The following MARCHF10 variants were observed in gnomAD, a reference collection of about 807,000 sequenced individuals.
The protein encoded by MARCHF10 is probable E3 ubiquitin-protein ligase MARCHF10.
Under a neutral mutation model 76.2 loss-of-function variants are expected in MARCHF10, and 64 were observed. The ratio of observed to expected loss-of-function variants is 0.84; its 90% CI spans 0.69 to 1.03. MARCHF10 has a LOEUF of 1.03. Ranked by LOEUF, MARCHF10 falls within the 50% of genes least tolerant of loss-of-function variation. The pLI is 0.00. For synonymous variants in MARCHF10, 340 were observed against 357.5 expected, an observed-to-expected ratio of 0.95 and a Z score of 0.55; for missense variants, 875 against 958.0, an observed-to-expected ratio of 0.91 and a Z score of 1.14.
chr17:62,797,601 G>C, intron 2 of MARCHF10, among the ~76,000 whole-genome samples: 1 of 152,182 alleles, frequency 6.6e-6, no homozygotes, highest in Non-Finnish European at 1.5e-5. Flanking sequence ...TTTGCCCAGG[G>C]GAGCAAGGTG....
At position 62,725,066 on chromosome 17, in the gene MARCHF10, C is replaced by A; in HGVS notation, c.1976G>T (p.Cys659Phe). 6.2e-7 allele frequency: 1 copy of A among 1,604,608 alleles called. No individual in the cohort carries two copies. The highest frequency in any genetic ancestry group is 8.5e-7 in the Non-Finnish European group (1 of 1,176,782). Residue 659 changes from cysteine to phenylalanine, a missense_variant, in exon 7 of 11, where the codon TGT becomes TTT. Transcript: ENST00000311269. ...ACCCCCGGCTATCTGACAGATGCGACACAAGTCTCCCTCCTCCTCGGAGTC... is the reference window on the plus strand; with the variant it reads ...ACCCCCGGCTATCTGACAGATGCGAAACAAGTCTCCCTCCTCCTCGGAGTC... ...EEDSEEEGDL[C>F]RICQIAGGSP...
At chr17:62,798,013 G>C (rs1006226561) in intron 2 of MARCHF10, among the ~76,000 whole-genome samples, 2 of 152,132 alleles carry the variant, frequency 1.3e-5, no homozygotes, top group Admixed American at 6.5e-5. Context: ...AGATGGACAT[G>C]GGGATACAAC....
intron 3 of MARCHF10, among the ~76,000 whole-genome samples, chr17:62,772,358 A>G (rs1025509563): frequency 6.6e-6 from 1 of 152,204 alleles, no homozygotes; most frequent in African/African-American, 2.4e-5. Flanking sequence ...AGGCCTCCCC[A>G]ACCATGTGGA....
intron 9 of MARCHF10, among the ~76,000 whole-genome samples, chr17:62,709,732 T>C (rs533815351): frequency 1.6e-4 from 24 of 152,312 alleles, no homozygotes; most frequent in African/African-American, 5.5e-4. Flanking sequence ...GTTGGTTTCC[T>C]ACTTTCATTT....
chr17:62,772,455 C>T (rs1378503629), intron 3 of MARCHF10, among the ~76,000 whole-genome samples: 2 of 152,132 alleles, frequency 1.3e-5, no homozygotes, highest in Non-Finnish European at 2.9e-5. Context: ...GGACTAATTA[C>T]AATGCACAAA....
intron 10 of MARCHF10, 127 bp downstream of exon 10, chr17:62,705,412 C>T (rs904563935): frequency 6.4e-7 from 1 of 1,574,608 alleles, no homozygotes; most frequent in Admixed American, 2.0e-5. Flanking sequence ...CCAAGCTTTG[C>T]GGGGTTATTT....
chr17:62,717,813 C>T (rs2090291555), intron 8 of MARCHF10, among the ~76,000 whole-genome samples: 1 of 152,206 alleles, frequency 6.6e-6, no homozygotes, highest in Admixed American at 6.5e-5. Context: ...CTTCACTTGC[C>T]CCCTTTGAGT....
chr17:62,745,699 C>T (rs773600870), intron 4 of MARCHF10, among the ~76,000 whole-genome samples: 7 of 152,198 alleles, frequency 4.6e-5, no homozygotes, highest in African/African-American at 7.2e-5. Flanking sequence ...AGCTGGGGTG[C>T]TATTGTGGAC....
At chr17:62,766,584 G>A (rs773962519) in intron 3 of MARCHF10, among the ~76,000 whole-genome samples, 1 of 152,148 alleles carries the variant, frequency 6.6e-6, no homozygotes, top group Non-Finnish European at 1.5e-5. Context: ...CTTGACGTAG[G>A]TGTCTTTCAG....
At chr17:62,704,599 T>C (rs988224327) in intron 10 of MARCHF10, among the ~76,000 whole-genome samples, 1 of 152,134 alleles carries the variant, frequency 6.6e-6, no homozygotes, top group African/African-American at 2.4e-5. Flanking sequence ...TACTGGGAGT[T>C]CTCAAAAGCA....
intron 6 of MARCHF10, among the ~76,000 whole-genome samples, chr17:62,733,919 C>T (rs1259406343): frequency 6.6e-6 from 1 of 152,154 alleles, no homozygotes; most frequent in African/African-American, 2.4e-5. Context: ...GTCGGTGGCT[C>T]ATGCCTGTAA....
intron 3 of MARCHF10, among the ~76,000 whole-genome samples, chr17:62,775,818 ATTTATTT>A (rs2092544614): frequency 6.6e-6 from 1 of 151,594 alleles, no homozygotes; most frequent in Admixed American, 6.6e-5. Flanking sequence ...CTTTTCAATT[ATTTATTT>A]ATTTATTTAG....
chr17:62,784,220 A>G (rs2092709601), intron 3 of MARCHF10, among the ~76,000 whole-genome samples: 1 of 152,238 alleles, frequency 6.6e-6, no homozygotes, highest in Non-Finnish European at 1.5e-5. Context: ...CTGGTTCAAC[A>G]TAGCAAATCA....
intron 1 of MARCHF10, chr17:62,804,966 C>CAG (rs1427756548): frequency 1.3e-5 from 2 of 152,190 alleles, no homozygotes; most frequent in Non-Finnish European, 2.9e-5. Context: ...CAGATATTGG[C>CAG]AGAGTCAGGC....
intron 5 of MARCHF10, among the ~76,000 whole-genome samples, chr17:62,740,534 C>A (rs2091467262): frequency 6.6e-6 from 1 of 152,146 alleles, no homozygotes; most frequent in Admixed American, 6.6e-5. Context: ...ATAAAAATCC[C>A]CCATAATCCA....
At chr17:62,710,557 T>C (rs1344334624) in intron 9 of MARCHF10, among the ~76,000 whole-genome samples, 17 of 142,010 alleles carry the variant, frequency 1.2e-4, no homozygotes, top group African/African-American at 4.2e-4. Context: ...CAGCTTTTTT[T>C]TTTTTTTTTT....
intron 4 of MARCHF10, 99 bp from the exon 5 acceptor site, chr17:62,744,627 G>A: frequency 7.3e-7 from 1 of 1,377,716 alleles, no homozygotes. Flanking sequence ...TGGGGGTGGG[G>A]TTAGGTGGAA....
chr17:62,748,313 C>G (rs1377000173), intron 4 of MARCHF10, among the ~76,000 whole-genome samples: 1 of 152,154 alleles, frequency 6.6e-6, no homozygotes, highest in Non-Finnish European at 1.5e-5. Context: ...AGGAGAATCA[C>G]TTGAACCTGG....
intron 1 of MARCHF10, among the ~76,000 whole-genome samples, chr17:62,807,407 G>A (rs544424508): frequency 6.6e-6 from 1 of 152,172 alleles, no homozygotes; most frequent in Admixed American, 6.5e-5. Context: ...GTTTGGCGGT[G>A]ACTCTTCATT....
Sources: gnomAD v4.1 joint callset for allele counts (sites outside exome capture counted in the v4.1 genomes callset) on GRCh38, gnomAD v4.1.1 for gene constraint, MANE v1.5 for transcripts, NCBI Gene and HGNC (gene_info 2026-07-23, HGNC 2026-07-21) for gene names.